Variants in GNAQ observed in about 807,000 individuals in gnomAD.
The protein encoded by GNAQ is G protein subunit alpha q.
Under a neutral mutation model 43.9 loss-of-function variants are expected in GNAQ, and 8 were observed. The ratio of observed to expected loss-of-function variants is 0.18; its 90% CI spans 0.11 to 0.33. The LOEUF (loss-of-function observed/expected upper bound fraction) is 0.33. GNAQ is among the 10% of genes least tolerant of loss of function. GNAQ has a pLI of 1.00. For missense variants in GNAQ, 158 were observed against 450.8 expected (o/e 0.35, Z 5.88); for synonymous variants, 155 against 170.7 (o/e 0.91, Z 0.71).
intron 1 of GNAQ, among the ~76,000 whole-genome samples, chr9:78,013,961 T>C (rs892173233): frequency 4.6e-5 from 7 of 152,036 alleles, no homozygotes; most frequent in African/African-American, 1.4e-4. Flanking sequence ...GTGAAAAAAA[T>C]TTCCCTCCCA....
chr9:77,927,395 AG>A (rs1015486657), intron 1 of GNAQ, among the ~76,000 whole-genome samples: 7 of 152,296 alleles, frequency 4.6e-5, no homozygotes, highest in African/African-American at 1.4e-4. Flanking sequence ...TGTTATCAAA[AG>A]AGCTGCCAAG....
chr9:77,994,080 G>A (rs1271745527), intron 1 of GNAQ, among the ~76,000 whole-genome samples: 1 of 152,100 alleles, frequency 6.6e-6, no homozygotes, highest in African/African-American at 2.4e-5. Context: ...GTAGTGGCAC[G>A]ATCATAGCTC....
intron 2 of GNAQ, among the ~76,000 whole-genome samples, chr9:77,870,483 G>A (rs1167801290): frequency 6.6e-5 from 10 of 151,696 alleles, no homozygotes; most frequent in South Asian, 2.1e-4. Flanking sequence ...CTGCCAAGGC[G>A]CCCTGGCTAA....
At position 77,797,063 on chromosome 9, in the gene GNAQ, C is replaced by T. The variant is rs138465862; in HGVS notation, c.605+457G>A. Among the ~76,000 whole-genome samples, 1,318 of 152,058 alleles carry T rather than the reference C, an allele frequency of 8.7e-3. 21 individuals carry two copies. The highest frequency in any genetic ancestry group is 0.03 in the African/African-American group (1,245 of 41,490). ...TTTGTTTTTTTTTGAGATGGAGTCT[C>T]GCTTCGTAACCCAGGCTGGAGTGCA... is the stretch of plus-strand genomic sequence containing the variant. On this transcript the variant is annotated intron_variant, in intron 4 of 6. Transcript: ENST00000286548.
intron 1 of GNAQ, among the ~76,000 whole-genome samples, chr9:77,998,465 A>C (rs2077047010): frequency 6.6e-6 from 1 of 152,200 alleles, no homozygotes; most frequent in Non-Finnish European, 1.5e-5. Flanking sequence ...TGCAAGAAAA[A>C]GGTAACAACA....
At chr9:77,777,773 C>G (rs1395069562) in intron 5 of GNAQ, among the ~76,000 whole-genome samples, 2 of 151,960 alleles carry the variant, frequency 1.3e-5, no homozygotes, top group Non-Finnish European at 2.9e-5. Flanking sequence ...GAGATACCAT[C>G]TTATAACCAC....
chr9:77,925,236 C>T (rs1829053841), intron 1 of GNAQ, among the ~76,000 whole-genome samples: 1 of 152,116 alleles, frequency 6.6e-6, no homozygotes, highest in Non-Finnish European at 1.5e-5. Flanking sequence ...AGCACAAATA[C>T]CAATCAAATG....
chr9:77,723,191 A>G (rs1482938168), intron 6 of GNAQ, among the ~76,000 whole-genome samples: 3 of 152,260 alleles, frequency 2.0e-5, no homozygotes, highest in Admixed American at 2.0e-4. Flanking sequence ...ATGCATATCA[A>G]AACCACAGTG....
Position 77,883,331 on chromosome 9 carries a change from C to T in GNAQ, c.321+38830G>A, listed in dbSNP as rs140871130. On this transcript the variant is annotated intron_variant, in intron 2 of 6. Coordinates refer to ENST00000286548, the MANE Select transcript of GNAQ (RefSeq NM_002072.5). ...TGGTTACAGCAGCATCAAAAACATC[C>T]AGACACCTCATGTACCTTCATTCTC... Among the ~76,000 whole-genome samples, 9 of 152,256 alleles carry T rather than the reference C, an allele frequency of 5.9e-5. No individual in the cohort carries two copies. The East Asian group carries it at 1.7e-3, about 29-fold the overall frequency.
intron 2 of GNAQ, among the ~76,000 whole-genome samples, chr9:77,908,411 G>A (rs1388049149): frequency 6.6e-6 from 1 of 152,156 alleles, no homozygotes; most frequent in East Asian, 1.9e-4. Flanking sequence ...ATAGCCTCTT[G>A]TATGTCTTTA....
At chr9:77,734,496 A>G (rs373269853) in intron 5 of GNAQ, among the ~76,000 whole-genome samples, 304 of 129,358 alleles carry the variant, frequency 2.4e-3, no homozygotes, top group African/African-American at 7.3e-3. Context: ...GAGGGCATTC[A>G]TAACAATCAT....
At chr9:77,752,909 A>G (rs1461315099) in intron 5 of GNAQ, among the ~76,000 whole-genome samples, 1 of 151,914 alleles carries the variant, frequency 6.6e-6, no homozygotes, top group African/African-American at 2.4e-5. Flanking sequence ...ACATGGTGAA[A>G]TCCTGTCTCT....
chr9:77,944,713 T>G (rs1829363103), intron 1 of GNAQ, among the ~76,000 whole-genome samples: 1 of 152,190 alleles, frequency 6.6e-6, no homozygotes, highest in African/African-American at 2.4e-5. Flanking sequence ...AGTGTGAAAT[T>G]AACTGTGTAA....
At chr9:77,995,845 T>C (rs998077141) in intron 1 of GNAQ, among the ~76,000 whole-genome samples, 1 of 152,174 alleles carries the variant, frequency 6.6e-6, no homozygotes, top group African/African-American at 2.4e-5. Context: ...TTAGAATTCA[T>C]TAGACACTTC....
intron 1 of GNAQ, among the ~76,000 whole-genome samples, chr9:78,024,696 C>T (rs909547145): frequency 6.6e-6 from 1 of 152,140 alleles, no homozygotes; most frequent in Non-Finnish European, 1.5e-5. Flanking sequence ...AAGAACTATG[C>T]AAAGTGCTTA....
chr9:77,837,386 C>T (rs1827407718), intron 2 of GNAQ, among the ~76,000 whole-genome samples: 1 of 151,914 alleles, frequency 6.6e-6, no homozygotes, highest in East Asian at 1.9e-4. Flanking sequence ...ACCCCCGTCT[C>T]TACTAGAAAC....
chr9:77,889,658 T>C (rs1054364495), intron 2 of GNAQ, among the ~76,000 whole-genome samples: 17 of 152,138 alleles, frequency 1.1e-4, no homozygotes, highest in Non-Finnish European at 1.2e-4. Flanking sequence ...TCCTTCTTGA[T>C]ACCAGGCAGA....
At chr9:77,744,416 C>G (rs1239532248) in intron 5 of GNAQ, among the ~76,000 whole-genome samples, 1 of 152,064 alleles carries the variant, frequency 6.6e-6, no homozygotes, top group Non-Finnish European at 1.5e-5. Context: ...TTCCTGGGCA[C>G]TTATAACTAT....
intron 6 of GNAQ, among the ~76,000 whole-genome samples, chr9:77,723,031 C>T (rs1825341312): frequency 1.3e-5 from 2 of 152,050 alleles, no homozygotes; most frequent in African/African-American, 4.8e-5. Flanking sequence ...GTTTAGTGTC[C>T]AGAATATATA....
Sources: gnomAD v4.1 joint callset for allele counts (sites outside exome capture counted in the v4.1 genomes callset) on GRCh38, gnomAD v4.1.1 for gene constraint, MANE v1.5 for transcripts, NCBI Gene and HGNC (gene_info 2026-07-23, HGNC 2026-07-21) for gene names.